LAMA1: variants seen among roughly 807,000 people sequenced by gnomAD.
The protein encoded by LAMA1 is laminin subunit alpha-1.
Under a neutral mutation model 348.7 loss-of-function variants are expected in LAMA1, and 219 were observed. The ratio of observed to expected loss-of-function variants is 0.63; its 90% confidence interval spans 0.56 to 0.70. LAMA1 has a LOEUF of 0.70. Ranked by LOEUF, LAMA1 falls within the 30% of genes least tolerant of loss-of-function variation. The pLI is 0.00. For missense variants in LAMA1, 3,744 were observed against 3,888.0 expected, an observed-to-expected ratio of 0.96 and a Z score of 0.99; for synonymous variants, 1,487 against 1,491.0, an observed-to-expected ratio of 1.00 and a Z score of 0.06.
In LAMA1 at chr18:6,950,959, C is replaced by T. The variant is rs766861559; in HGVS notation, c.8220G>A (p.Glu2740=). 6.2e-7 allele frequency: 1 copy of T among 1,613,726 alleles called. No individual in the cohort carries two copies. ...QSAVRKKLSV[E]LSIRTFASSG... is the part of the protein sequence containing the mutation. ...TGGAGGCGAACGTGCGGATGCTTAG[C>T]TCAACCGAGAGCCTGGGGAAAACAA... is the stretch of plus-strand genomic sequence containing the variant. Residue 2740 remains glutamate (E), a synonymous_variant, in exon 58 of 63, where the codon GAG becomes GAA. Transcript: ENST00000389658.
chr18:6,953,027 G>C (rs374363161), intron 57 of LAMA1, among the ~76,000 whole-genome samples: 50 of 130,272 alleles, frequency 3.8e-4, no homozygotes, highest in African/African-American at 1.6e-3. Flanking sequence ...GTGGATCCAC[G>C]CCATGGGAGC....
intron 10 of LAMA1, among the ~76,000 whole-genome samples, chr18:7,039,613 A>G (rs145855412): frequency 1.4e-4 from 21 of 152,328 alleles, no homozygotes; most frequent in African/African-American, 4.6e-4. Context: ...CAACTACTCA[A>G]CTCAGCCTTT....
intron 1 of LAMA1, among the ~76,000 whole-genome samples, chr18:7,102,912 A>G (rs1270036532): frequency 2.0e-5 from 3 of 152,244 alleles, no homozygotes; most frequent in Non-Finnish European, 4.4e-5. Flanking sequence ...ATCCTATTAC[A>G]AAAAATGTAA....
intron 21 of LAMA1, among the ~76,000 whole-genome samples, chr18:7,016,154 G>A (rs532245037): frequency 1.3e-5 from 2 of 152,234 alleles, no homozygotes; most frequent in South Asian, 4.1e-4. Context: ...CTTACTGCAG[G>A]CCCAATGCCA....
intron 56 of LAMA1, 186 bp from the exon 57 acceptor site, chr18:6,955,651 G>A: frequency 1.5e-6 from 1 of 687,910 alleles, no homozygotes; most frequent in South Asian, 1.5e-5. Context: ...TTATCTCCCT[G>A]AAGAAAGCAC....
intron 41 of LAMA1, 61 bp from the exon 42 acceptor site, chr18:6,980,698 A>G: frequency 3.3e-6 from 3 of 906,120 alleles, no homozygotes; most frequent in East Asian, 4.8e-5. Flanking sequence ...TGCCTAGGCA[A>G]CAGCTTTATC....
intron 3 of LAMA1, among the ~76,000 whole-genome samples, chr18:7,075,315 TA>T (rs1345846196): frequency 6.6e-6 from 1 of 152,008 alleles, no homozygotes; most frequent in Non-Finnish European, 1.5e-5. Context: ...GGGGGGAAGT[TA>T]AAAAAAATTT....
chr18:7,034,858 G>T (rs1411001052), intron 13 of LAMA1, among the ~76,000 whole-genome samples, 168 bp from the exon 14 acceptor site: 1 of 152,122 alleles, frequency 6.6e-6, no homozygotes, highest in Non-Finnish European at 1.5e-5. Context: ...TCAGAGAAAA[G>T]GTGTTTCATT....
At chr18:7,062,662 T>C (rs1280113911) in intron 3 of LAMA1, among the ~76,000 whole-genome samples, 2 of 151,998 alleles carry the variant, frequency 1.3e-5, no homozygotes, top group Non-Finnish European at 2.9e-5. Context: ...GGCCAAAACA[T>C]GAGTGAGAAG....
chr18:7,020,960 A>T (rs936659786), intron 19 of LAMA1, among the ~76,000 whole-genome samples: 2 of 152,142 alleles, frequency 1.3e-5, no homozygotes, highest in African/African-American at 4.8e-5. Flanking sequence ...AGGTGACCTC[A>T]GCACCTCAAC....
chr18:7,075,371 C>A (rs537172069), intron 3 of LAMA1, among the ~76,000 whole-genome samples: 2 of 152,018 alleles, frequency 1.3e-5, no homozygotes, highest in Non-Finnish European at 2.9e-5. Context: ...ACCTGTGATC[C>A]CGGCATTTTG....
intron 34 of LAMA1, 94 bp from the exon 35 acceptor site, chr18:6,993,846 T>C: frequency 1.3e-6 from 1 of 779,638 alleles, no homozygotes; most frequent in Non-Finnish European, 2.3e-6. Flanking sequence ...CTGTTGCCGC[T>C]TATAAGCAAC....
chr18:7,113,011 C>A (rs377354075), intron 1 of LAMA1, among the ~76,000 whole-genome samples: 23 of 152,282 alleles, frequency 1.5e-4, no homozygotes, highest in African/African-American at 5.1e-4. Context: ...CAAGAAGTGG[C>A]TACTAACTGC....
intron 6 of LAMA1, among the ~76,000 whole-genome samples, chr18:7,045,462 C>T (rs941517963): frequency 6.6e-6 from 1 of 151,640 alleles, no homozygotes; most frequent in Middle Eastern, 3.2e-3. Flanking sequence ...AAGAGCAAAA[C>T]TGTCTCTAAA....
At chr18:7,022,550 T>C (rs2057922650) in intron 19 of LAMA1, among the ~76,000 whole-genome samples, 3 of 152,216 alleles carry the variant, frequency 2.0e-5, no homozygotes, top group Admixed American at 1.3e-4. Flanking sequence ...AAATAATTTA[T>C]AATTGCCACT....
chr18:7,104,721 C>T (rs967230961), intron 1 of LAMA1, among the ~76,000 whole-genome samples: 1 of 152,256 alleles, frequency 6.6e-6, no homozygotes, highest in African/African-American at 2.4e-5. Context: ...CACGGTCAAC[C>T]TCACAGTCCA....
At chr18:6,967,493 C>G (rs1307090525) in intron 48 of LAMA1, among the ~76,000 whole-genome samples, 1 of 152,158 alleles carries the variant, frequency 6.6e-6, no homozygotes, top group Non-Finnish European at 1.5e-5. Flanking sequence ...ACTCACCTAA[C>G]CTCTCTGTGT....
chr18:7,095,921 C>T (rs555048559), intron 1 of LAMA1, among the ~76,000 whole-genome samples: 2 of 152,188 alleles, frequency 1.3e-5, no homozygotes, highest in East Asian at 1.9e-4. Context: ...ACAAAAAATT[C>T]GCCAGGCGTG....
intron 33 of LAMA1, among the ~76,000 whole-genome samples, chr18:6,997,498 C>A (rs1406679657): frequency 6.6e-6 from 1 of 152,168 alleles, no homozygotes; most frequent in Non-Finnish European, 1.5e-5. Context: ...GATGAGGAGT[C>A]CTCCAGAGAG....
Sources: allele counts gnomAD v4.1 joint callset (sites outside exome capture counted in the v4.1 genomes callset), GRCh38; gene constraint gnomAD v4.1.1; transcripts MANE v1.5; gene names NCBI Gene and HGNC (gene_info 2026-07-23, HGNC 2026-07-21).